The following PLEKHG5 variants were observed in gnomAD, a reference collection of about 807,000 sequenced individuals.
The protein encoded by PLEKHG5 is pleckstrin homology and RhoGEF domain containing G5, also known as pleckstrin homology domain-containing family G member 5.
PLEKHG5 carries 52 observed loss-of-function variants against 103.8 expected under a neutral mutation model. The observed-to-expected ratio is 0.50, with a 90% CI of 0.40 to 0.63. The LOEUF is 0.63. Ranked by LOEUF, PLEKHG5 falls within the 30% of genes least tolerant of loss-of-function variation. The pLI is 0.00. For synonymous variants in PLEKHG5, 592 were observed against 575.5 expected, an observed-to-expected ratio of 1.03 and a Z score of -0.41; for missense variants, 1,205 against 1,347.6, an observed-to-expected ratio of 0.89 and a Z score of 1.66.
upstream of PLEKHG5, among the ~76,000 whole-genome samples, chr1:6,495,139 G>A (rs1006005457): frequency 1.3e-5 from 2 of 152,230 alleles, no homozygotes; most frequent in Non-Finnish European, 2.9e-5. Flanking sequence ...TCGGGGCTCC[G>A]CAGGCCTCTG....
intron 12 of PLEKHG5, 33 bp downstream of exon 12, chr1:6,471,455 A>C: frequency 6.3e-7 from 1 of 1,598,292 alleles, no homozygotes; most frequent in Non-Finnish European, 8.5e-7. Context: ...GCCCTGCCTC[A>C]GTGCCCCCGC....
chr1:6,498,733 C>T (rs750855063), upstream of PLEKHG5, among the ~76,000 whole-genome samples: 24 of 152,182 alleles, frequency 1.6e-4, no homozygotes, highest in Admixed American at 3.9e-4. Flanking sequence ...GCACAGCCTA[C>T]GGGAACTCTC....
In PLEKHG5 at chr1:6,468,323, T is replaced by C. The variant is rs1287801386; in HGVS notation, c.2513A>G (p.Glu838Gly). 1 of 1,609,780 alleles carries C rather than the reference T, an allele frequency of 6.2e-7. No homozygotes were observed. Among genetic ancestry groups the C allele is most frequent in the African/African-American group, 1.3e-5 (1 of 75,024 alleles). Reference protein sequence around the residue: ...QDFVAPGPMAELVPRAPESPR... With the variant: ...QDFVAPGPMAGLVPRAPESPR... ...GGACTCTGGGGCCCGAGGCACTAGCTCTGCCATTGGGCCTGGGGCCACAAA... is the reference window on the plus strand; with the variant it reads ...GGACTCTGGGGCCCGAGGCACTAGCCCTGCCATTGGGCCTGGGGCCACAAA... Residue 838 changes from glutamate (E) to glycine (G), a missense_variant, in exon 20 of 21, where the codon GAG (glutamate) becomes GGG (glycine). Physicochemically the swap from Glu to Gly is moderately conservative, Grantham distance 98. Coordinates refer to ENST00000377728, the MANE Select transcript of PLEKHG5 (RefSeq NM_020631.6).
Position 6,505,945 on chromosome 1 carries a change from G to C in PLEKHG5, c.-164-9376C>G, listed in dbSNP as rs1448783634. 6.6e-6 allele frequency: 1 copy of C among 152,634 alleles called. No homozygotes were observed. The highest frequency in any genetic ancestry group is 6.5e-5 in the Admixed American group (1 of 15,294). The allele number at this position is 152,634 out of a possible 1,614,324, so 9.5% of individuals were successfully genotyped here. The stretch of plus-strand genomic sequence containing the variant: ...GTGACTGTCAGCAGCATGTGTGTGT[G>C]AATGGGCTACAGGCCCTGGCTGGGC... On this transcript the variant is annotated intron_variant, in intron 1 of 21. Coordinates refer to the PLEKHG5 transcript ENST00000377740. The surrounding 1 kb of genome is among the most constrained non-coding windows in gnomAD (Gnocchi z 4.2).
chr1:6,479,163 T>C (rs74498115), intron 1 of PLEKHG5, among the ~76,000 whole-genome samples: 2,200 of 152,320 alleles, frequency 0.014, 46 homozygotes, highest in African/African-American at 0.05. Flanking sequence ...AAACTGAACC[T>C]TGATATATAG....
At chr1:6,473,543 C>T (rs1448078918) in intron 7 of PLEKHG5, 89 bp from the exon 8 acceptor site, 5 of 1,050,062 alleles carry the variant, frequency 4.8e-6, no homozygotes, top group Non-Finnish European at 6.7e-6. Context: ...TCAGGCCAGC[C>T]TGGGATGGAG....
At chr1:6,519,569 C>G (rs1056970092) in exon 1 of PLEKHG5, 1 of 1,281,740 alleles carries the variant, frequency 7.8e-7, no homozygotes, top group Admixed American at 1.7e-5. Flanking sequence ...GCCAATGCCA[C>G]AGGCCTCTCT....
chr1:6,473,151 C>T lies in PLEKHG5; in HGVS notation c.819G>A (p.Leu273=), dbSNP rs771904496. 1 of 1,613,932 alleles carries T rather than the reference C, an allele frequency of 6.2e-7. No homozygotes were observed. ...FGREVDKMEQ[L]EGKLHTYSLF... is the part of the protein sequence containing the mutation. ...GGCTGTAGGTGTGCAGCTTGCCCTC[C>T]AGCTGCTCCATCTTGTCTACCTCCT... The change falls in exon 9 of 21, where the codon CTG becomes CTA. Residue 273 remains leucine, a synonymous_variant. Coordinates refer to ENST00000377728, the MANE Select transcript of PLEKHG5 (RefSeq NM_020631.6).
chr1:6,475,583 G>A, intron 3 of PLEKHG5, 61 bp from the exon 4 acceptor site: 4 of 1,442,354 alleles, frequency 2.8e-6, no homozygotes, highest in Non-Finnish European at 3.9e-6. Context: ...AGCGTGGGCG[G>A]CGAGTGGGCC....
chr1:6,494,188 T>C (rs919544740), upstream of PLEKHG5, among the ~76,000 whole-genome samples: 2 of 141,782 alleles, frequency 1.4e-5, no homozygotes, highest in Non-Finnish European at 3.0e-5. Context: ...TGGAGTGCAA[T>C]GGCATGATCT....
chr1:6,509,914 C>T (rs1210934304), intron 1 of PLEKHG5, among the ~76,000 whole-genome samples: 1 of 152,184 alleles, frequency 6.6e-6, no homozygotes, highest in African/African-American at 2.4e-5. Flanking sequence ...CTGTACCCAA[C>T]AAGAGCCCCG....
rs753283144 is a variant in PLEKHG5, at chr1:6,467,995, C to T, written c.2841G>A (p.Gly947=). The change falls in exon 20 of 21, where the codon GGG becomes GGA. Residue 947 remains glycine (G), a synonymous_variant. Transcript: ENST00000377728. ...TCTTCCTGTGGGAGCCTGCAGGTTC[C>T]CCGGCCAGGCAGCCGACTAGCCCAG... ...SGPGLVGCLA[G]EPAGSHRKRC... 8.4e-6 allele frequency: 13 copies of T among 1,553,890 alleles called. No individual in the cohort carries two copies. The South Asian group carries it at 1.2e-4, about 14-fold the overall frequency.
chr1:6,472,064 GC>G (rs1387557959), intron 10 of PLEKHG5, among the ~76,000 whole-genome samples: 1 of 152,208 alleles, frequency 6.6e-6, no homozygotes, highest in Non-Finnish European at 1.5e-5. Flanking sequence ...GGGGAGACTG[GC>G]TTTGAAGCCA....
chr1:6,481,392 A>G (rs1019895960), intron 1 of PLEKHG5, among the ~76,000 whole-genome samples: 3 of 152,128 alleles, frequency 2.0e-5, no homozygotes, highest in African/African-American at 4.8e-5. Flanking sequence ...TTAGCTGGGC[A>G]TGGTGGCGCA....
intron 1 of PLEKHG5, among the ~76,000 whole-genome samples, chr1:6,481,510 CA>C (rs1333347776): frequency 7.3e-6 from 1 of 137,172 alleles, no homozygotes; most frequent in Non-Finnish European, 1.6e-5. Flanking sequence ...CAGCCTGGGG[CA>C]AAACTCCGTC....
chr1:6,492,832 T>C (rs1042756798), upstream of PLEKHG5, among the ~76,000 whole-genome samples: 9 of 151,750 alleles, frequency 5.9e-5, no homozygotes, highest in Admixed American at 4.6e-4. Context: ...TCTCCTGGGG[T>C]CTCCATGACA....
At chr1:6,511,375 A>G (rs1191459376) in intron 1 of PLEKHG5, among the ~76,000 whole-genome samples, 1 of 152,214 alleles carries the variant, frequency 6.6e-6, no homozygotes, top group Non-Finnish European at 1.5e-5. Flanking sequence ...TGACTCCTCC[A>G]GCCTGGGTTT....
rs1644417786 is a variant in PLEKHG5 at position 6,467,580 on chromosome 1, G to A, written c.3012-8C>T. 5.6e-6 allele frequency: 9 copies of A among 1,613,156 alleles called. No individual in the cohort carries two copies. The highest frequency in any genetic ancestry group is 7.6e-6 in the Non-Finnish European group (9 of 1,179,568). On this transcript the variant is annotated splice_polypyrimidine_tract_variant and splice_region_variant and intron_variant, in intron 20 of 20. Transcript: ENST00000377728. ...CCCTCTGCTCAGACCTCCCTACAGG[G>A]TGGGGAGGGGACAGAGTCCTTCTTT...
chr1:6,476,698 C>G (rs1173531387), intron 2 of PLEKHG5, among the ~76,000 whole-genome samples: 2 of 152,210 alleles, frequency 1.3e-5, no homozygotes, highest in East Asian at 3.8e-4. Context: ...TCCCCTCCCC[C>G]ATGCTGTGAC....
Sources: allele counts gnomAD v4.1 joint callset (sites outside exome capture counted in the v4.1 genomes callset), GRCh38; gene constraint gnomAD v4.1.1; non-coding constraint Gnocchi (gnomAD v3.1); transcripts MANE v1.5; gene names NCBI Gene and HGNC (gene_info 2026-07-23, HGNC 2026-07-21).